The following ERBB4 variants were observed in gnomAD, a reference collection of about 807,000 sequenced individuals.
ERBB4 encodes erb-b2 receptor tyrosine kinase 4.
A neutral mutation model predicts 158.0 loss-of-function variants in ERBB4; 42 were observed. The ratio of observed to expected loss-of-function variants is 0.27; its 90% CI spans 0.21 to 0.34. The LOEUF is 0.34. Among genes scored for constraint, ERBB4 ranks in the 10% least tolerant of loss-of-function variants. The pLI is 1.00. For synonymous variants in ERBB4, 583 were observed against 558.7 expected, an observed-to-expected ratio of 1.04 and a Z score of -0.61; for missense variants, 1,333 against 1,624.1, an observed-to-expected ratio of 0.82 and a Z score of 3.08.
At chr2:212,138,976 C>T (rs934897039) in intron 1 of ERBB4, among the ~76,000 whole-genome samples, 2 of 152,066 alleles carry the variant, frequency 1.3e-5, no homozygotes, top group African/African-American at 4.8e-5. Context: ...CTTCACACTC[C>T]TATGGGTAAG....
intron 4 of ERBB4, among the ~76,000 whole-genome samples, chr2:211,754,637 G>A (rs552113257): frequency 6.6e-6 from 1 of 151,676 alleles, no homozygotes; most frequent in African/African-American, 2.4e-5. Flanking sequence ...TTGAACTCCC[G>A]ACCTCATGAT....
intron 20 of ERBB4, among the ~76,000 whole-genome samples, chr2:211,495,490 C>A (rs1169385992): frequency 2.6e-5 from 4 of 152,092 alleles, no homozygotes; most frequent in Admixed American, 6.5e-5. Flanking sequence ...TGCTTTTTCA[C>A]ATACTCATTA....
intron 11 of ERBB4, among the ~76,000 whole-genome samples, chr2:211,703,669 G>A (rs1036524977): frequency 2.0e-4 from 31 of 152,132 alleles, no homozygotes; most frequent in South Asian, 6.2e-4. Context: ...AGTGGTGGAC[G>A]AGTTCCTAAA....
At chr2:211,414,075 C>T (rs937782526) in intron 25 of ERBB4, among the ~76,000 whole-genome samples, 5 of 152,128 alleles carry the variant, frequency 3.3e-5, no homozygotes, top group East Asian at 1.9e-4. Context: ...GGTGTAAACA[C>T]TTGTGGGGGC....
chr2:212,264,165 A>G (rs530034517), intron 1 of ERBB4, among the ~76,000 whole-genome samples: 4 of 152,288 alleles, frequency 2.6e-5, no homozygotes, highest in African/African-American at 9.6e-5. Context: ...ATGGACTACC[A>G]AGCAATCCAT....
intron 19 of ERBB4, among the ~76,000 whole-genome samples, chr2:211,574,727 AAAT>A (rs1403832359): frequency 6.6e-6 from 1 of 152,218 alleles, no homozygotes; most frequent in African/African-American, 2.4e-5. Context: ...AGGGAGAAAG[AAAT>A]AATTATTAAC....
chr2:212,175,000 C>T (rs1241150278), intron 1 of ERBB4, among the ~76,000 whole-genome samples: 1 of 152,026 alleles, frequency 6.6e-6, no homozygotes, highest in Admixed American at 6.6e-5. Context: ...AGGCAAACTC[C>T]TGGTTTTTGC....
At chr2:211,938,664 C>T (rs746504683) in intron 3 of ERBB4, among the ~76,000 whole-genome samples, 49 of 152,088 alleles carry the variant, frequency 3.2e-4, no homozygotes, top group Non-Finnish European at 6.2e-4. Context: ...GAAGAATAGA[C>T]ATGCTTGACT....
At chr2:212,446,591 G>A (rs6435704) in intron 1 of ERBB4, among the ~76,000 whole-genome samples, 12,263 of 25,774 alleles carry the variant, frequency 0.48, 2,552 homozygotes, top group African/African-American at 0.67. Context: ...ATATATATAT[G>A]TATATATATA....
chr2:212,143,888 G>A (rs867052251), intron 1 of ERBB4, among the ~76,000 whole-genome samples: 2 of 151,848 alleles, frequency 1.3e-5, no homozygotes, highest in South Asian at 2.1e-4. Context: ...GTGTGGTGAC[G>A]CATGCCTGTA....
At chr2:211,951,186 T>A (rs901291057) in intron 2 of ERBB4, among the ~76,000 whole-genome samples, 1 of 152,084 alleles carries the variant, frequency 6.6e-6, no homozygotes, top group Non-Finnish European at 1.5e-5. Flanking sequence ...ACTCTTCTTA[T>A]CAAAAAGTGT....
chr2:212,496,361 C>T (rs1018087935), intron 1 of ERBB4, among the ~76,000 whole-genome samples: 1 of 151,598 alleles, frequency 6.6e-6, no homozygotes, highest in Non-Finnish European at 1.5e-5. Context: ...CACACACATA[C>T]ACATATATAA....
chr2:212,133,022 C>T (rs1217934974), intron 1 of ERBB4, among the ~76,000 whole-genome samples: 1 of 152,116 alleles, frequency 6.6e-6, no homozygotes, highest in Non-Finnish European at 1.5e-5. Flanking sequence ...CCAAAATGCA[C>T]TAACTCCTTC....
chr2:212,149,160 T>TGC (rs757886273), intron 1 of ERBB4, among the ~76,000 whole-genome samples: 120 of 117,712 alleles, frequency 1.0e-3, no homozygotes, highest in Non-Finnish European at 1.7e-3. Context: ...AAACTTAAAA[T>TGC]ATAATAATTA....
chr2:211,751,135 G>A (rs907073986), intron 4 of ERBB4, among the ~76,000 whole-genome samples: 2 of 152,138 alleles, frequency 1.3e-5, no homozygotes, highest in African/African-American at 4.8e-5. Flanking sequence ...GGAAATCTAT[G>A]AGAACAAGAA....
At chr2:211,838,314 A>T (rs908321707) in intron 3 of ERBB4, among the ~76,000 whole-genome samples, 2 of 152,066 alleles carry the variant, frequency 1.3e-5, no homozygotes, top group African/African-American at 4.8e-5. Flanking sequence ...TCCAATAATC[A>T]GTACCAGCCA....
At chr2:212,105,257 C>A (rs1055475386) in intron 2 of ERBB4, among the ~76,000 whole-genome samples, 1 of 152,116 alleles carries the variant, frequency 6.6e-6, no homozygotes, top group South Asian at 2.1e-4. Context: ...ATCATGTGTG[C>A]GTTATTGCAG....
chr2:211,621,601 T>C (rs1574871072), intron 18 of ERBB4, among the ~76,000 whole-genome samples: 2 of 152,176 alleles, frequency 1.3e-5, no homozygotes, highest in African/African-American at 4.8e-5. Flanking sequence ...CTGAGGACAT[T>C]AGATAGTGTT....
intron 3 of ERBB4, among the ~76,000 whole-genome samples, chr2:211,882,011 A>C (rs2078677727): frequency 6.6e-6 from 1 of 152,152 alleles, no homozygotes; most frequent in Non-Finnish European, 1.5e-5. Context: ...AAGTTAACCA[A>C]ATCTTTAGCA....
Sources: allele counts gnomAD v4.1 joint callset (sites outside exome capture counted in the v4.1 genomes callset), GRCh38; gene constraint gnomAD v4.1.1; transcripts MANE v1.5; gene names NCBI Gene and HGNC (gene_info 2026-07-23, HGNC 2026-07-21).